Variants in ZBTB40 observed in about 807,000 individuals in gnomAD.
ZBTB40 encodes the protein zinc finger and BTB domain-containing protein 40.
In ZBTB40, 60 loss-of-function variants were observed where a neutral mutation model predicts 117.5. That is an observed-to-expected ratio of 0.51 (90% CI 0.41 to 0.63). The LOEUF (loss-of-function observed/expected upper bound fraction) is 0.63. Ranked by LOEUF, ZBTB40 falls within the 30% of genes least tolerant of loss-of-function variation. The pLI is 0.00. For missense variants in ZBTB40, 1,287 were observed against 1,498.5 expected, an observed-to-expected ratio of 0.86 and a Z score of 2.33; for synonymous variants, 525 against 577.1, an observed-to-expected ratio of 0.91 and a Z score of 1.29.
chr1:22,524,113 C>T (rs1639611584), intron 16 of ZBTB40, 105 bp from the exon 17 acceptor site: 2 of 1,113,964 alleles, frequency 1.8e-6, no homozygotes, highest in African/African-American at 1.5e-5. Context: ...CTCCAAGCCT[C>T]GATCCTCATT....
intron 16 of ZBTB40, among the ~76,000 whole-genome samples, chr1:22,523,243 G>A (rs149841844): frequency 1.3e-3 from 197 of 152,048 alleles, no homozygotes; most frequent in African/African-American, 4.2e-3. Context: ...GAGCCACTGC[G>A]CCCAGCCAAG....
At position 22,526,290 on chromosome 1, in the gene ZBTB40, C is replaced by T. The variant is rs539239334; in HGVS notation, c.3614C>T (p.Thr1205Met). The T allele has an allele frequency of 9.3e-6, 15 of 1,614,184 alleles. No individual in the cohort carries two copies. The highest frequency in any genetic ancestry group is 5.0e-5 in the Admixed American group (3 of 60,028). Residue 1205 changes from threonine (T) to methionine (M), a missense_variant, in exon 18 of 18, where the codon ACG becomes ATG. This residue lies in a region of ZBTB40 where 417 missense variants were observed against 564.1 expected (regional missense o/e 0.74). Coordinates refer to ENST00000375647, the MANE Select transcript of ZBTB40 (RefSeq NM_014870.4). Reference protein sequence around the residue: ...TQLAGSQVFVTLPDSQASQAS... With the variant: ...TQLAGSQVFVMLPDSQASQAS... ...CTTGCCGGGTCGCAGGTGTTTGTGA[C>T]GTTGCCAGATTCTCAGGCATCTCAG... is the stretch of plus-strand genomic sequence containing the variant.
intron 17 of ZBTB40, among the ~76,000 whole-genome samples, chr1:22,525,656 G>A (rs972423855): frequency 2.6e-5 from 4 of 152,250 alleles, no homozygotes; most frequent in African/African-American, 9.6e-5. Flanking sequence ...CACTGGCCCC[G>A]CCAGGCTGGT....
At chr1:22,431,278 A>ATTGTATATATTGAATATATACAG (rs1640579824) in intron 1 of ZBTB40, among the ~76,000 whole-genome samples, 1 of 143,746 alleles carries the variant, frequency 7.0e-6, no homozygotes, top group African/African-American at 2.7e-5. Context: ...AATATATACA[A>ATTGTATATATTGAATATATACAG]TATTGTATAT....
chr1:22,526,084 G>A (rs1363376412), intron 17 of ZBTB40, 118 bp from the exon 18 acceptor site: 6 of 1,214,146 alleles, frequency 4.9e-6, no homozygotes, highest in Non-Finnish European at 7.2e-6. Flanking sequence ...GCACATGTAA[G>A]TGCTCTCCTC....
At chr1:22,470,115 T>C (rs1223828061) in intron 1 of ZBTB40, among the ~76,000 whole-genome samples, 1 of 152,194 alleles carries the variant, frequency 6.6e-6, no homozygotes, top group Non-Finnish European at 1.5e-5. Flanking sequence ...GCTTAAAAGC[T>C]CAGAAACCTG....
chr1:22,435,488 CTT>C lies in ZBTB40; in HGVS notation c.-70+6475_-70+6476del, dbSNP rs537753417. Among the ~76,000 whole-genome samples the C allele has an allele frequency of 1.1e-3, 160 of 152,118 alleles. 1 individual carries two copies. Among genetic ancestry groups the C allele is most frequent in the Non-Finnish European group, 1.5e-3 (99 of 67,994 alleles). On this transcript the variant is annotated intron_variant, in intron 1 of 8. Transcript: ENST00000650433. The stretch of plus-strand genomic sequence containing the variant: ...CCCCCACATCTCTCTCTCTCTCTCT[CTT>C]AATATATTTGATTCTTTAGGGCTTT...
chr1:22,451,518 G>A (rs919490312), upstream of ZBTB40, among the ~76,000 whole-genome samples: 1 of 151,978 alleles, frequency 6.6e-6, no homozygotes, highest in Non-Finnish European at 1.5e-5. Context: ...GGTGGCGCGC[G>A]CCTGTAATCC....
chr1:22,505,645 C>G (rs1267823020), intron 5 of ZBTB40, among the ~76,000 whole-genome samples: 1 of 151,984 alleles, frequency 6.6e-6, no homozygotes, highest in Non-Finnish European at 1.5e-5. Context: ...TGAAAAAAGA[C>G]CAAAAAAATT....
chr1:22,436,416 G>T (rs1640671417), intron 1 of ZBTB40, among the ~76,000 whole-genome samples: 1 of 152,216 alleles, frequency 6.6e-6, no homozygotes, highest in African/African-American at 2.4e-5. Context: ...GGAGGCTGAG[G>T]CAGGAGAATC....
chr1:22,524,888 T>G (rs1639635576), intron 17 of ZBTB40, among the ~76,000 whole-genome samples: 1 of 152,244 alleles, frequency 6.6e-6, no homozygotes, highest in African/African-American at 2.4e-5. Context: ...CCACCTCTTC[T>G]TGATGCTTCA....
chr1:22,441,473 CTTTTTTTTT>C (rs71020419), intron 1 of ZBTB40, among the ~76,000 whole-genome samples: 2 of 73,714 alleles, frequency 2.7e-5, no homozygotes, highest in African/African-American at 4.9e-5. Context: ...TATTTGCTTT[CTTTTTTTTT>C]TTTTTTTTTT....
At chr1:22,500,376 T>C (rs1638896027) in intron 3 of ZBTB40, among the ~76,000 whole-genome samples, 1 of 152,206 alleles carries the variant, frequency 6.6e-6, no homozygotes, top group African/African-American at 2.4e-5. Flanking sequence ...ATTGAAATAG[T>C]GCAGGGTTAG....
Position 22,508,626 on chromosome 1 carries a change from A to T in ZBTB40, c.1594A>T (p.Ile532Phe). Residue 532 changes from isoleucine (I) to phenylalanine (F), a missense_variant, in exon 8 of 18, where the codon ATT becomes TTT. By Grantham distance (21) the Ile-to-Phe change is conservative (BLOSUM62 0). Coordinates refer to ENST00000375647, the MANE Select transcript of ZBTB40 (RefSeq NM_014870.4). ...AAAGCAGACTCTCTCTGCCACAGCCATTTGGCAACTGCTGCTGGTGGTTCA... is the reference window on the plus strand; with the variant it reads ...AAAGCAGACTCTCTCTGCCACAGCCTTTTGGCAACTGCTGCTGGTGGTTCA... ...LEKQTLSATA[I>F]WQLLLVVQET... 1 of 1,614,196 alleles carries T rather than the reference A, an allele frequency of 6.2e-7. No individual in the cohort carries two copies. The highest frequency in any genetic ancestry group is 8.5e-7 in the Non-Finnish European group (1 of 1,180,040).
At chr1:22,439,489 T>C (rs913813825) in intron 1 of ZBTB40, among the ~76,000 whole-genome samples, 1 of 152,254 alleles carries the variant, frequency 6.6e-6, no homozygotes, top group Non-Finnish European at 1.5e-5. Flanking sequence ...CATTTATGTG[T>C]TCAATTCATT....
intron 1 of ZBTB40, among the ~76,000 whole-genome samples, chr1:22,463,842 ACACCT>A (rs1393658618): frequency 1.3e-5 from 2 of 152,248 alleles, no homozygotes; most frequent in Non-Finnish European, 2.9e-5. Flanking sequence ...ATTTTGTAGA[ACACCT>A]CAAAAGAAGT....
chr1:22,493,074 T>A (rs929414447), intron 3 of ZBTB40, among the ~76,000 whole-genome samples: 9 of 152,218 alleles, frequency 5.9e-5, no homozygotes, highest in African/African-American at 2.2e-4. Flanking sequence ...TTTTTAACAT[T>A]GGTACCTAAA....
chr1:22,513,473 G>A lies in ZBTB40; in HGVS notation c.2668+343G>A, dbSNP rs1639295066. On this transcript the variant is annotated intron_variant, in intron 12 of 17. Transcript: ENST00000375647. This position sits in a 1 kb window ranked among gnomAD's most constrained non-coding sequence, Gnocchi z 4.9. ...TCAAAAAAAAAATAAGGCTGAGGCA[G>A]GCGGATCACAAGGTCAGGAGATTGA... 6.6e-6 allele frequency among the ~76,000 whole-genome samples: 1 copy of A among 152,098 alleles called. No individual in the cohort carries two copies. The highest frequency in any genetic ancestry group is 2.4e-5 in the African/African-American group (1 of 41,414).
chr1:22,495,316 A>G (rs139663335), intron 3 of ZBTB40, among the ~76,000 whole-genome samples: 71 of 152,272 alleles, frequency 4.7e-4, no homozygotes, highest in Non-Finnish European at 1.0e-3. Flanking sequence ...ATTAAAGAGA[A>G]ATCTCTTGGG....
Sources: gnomAD v4.1 joint callset for allele counts (sites outside exome capture counted in the v4.1 genomes callset) on GRCh38, gnomAD v4.1.1 for gene constraint, gnomAD v4.1.1 regional missense constraint, Gnocchi (gnomAD v3.1) non-coding constraint, MANE v1.5 for transcripts, NCBI Gene and HGNC (gene_info 2026-07-23, HGNC 2026-07-21) for gene names.